Variants in TENM4 observed in about 807,000 individuals in gnomAD.
TENM4 encodes the protein teneurin transmembrane protein 4.
A neutral mutation model predicts 243.3 loss-of-function variants in TENM4; 82 were observed. The observed-to-expected ratio is 0.34, with a 90% CI of 0.28 to 0.40. The LOEUF is 0.40. Ranked by LOEUF, TENM4 falls within the 10% of genes least tolerant of loss-of-function variation. TENM4 has a pLI of 1.00. For synonymous variants in TENM4, 1,412 were observed against 1,456.3 expected (o/e 0.97, Z 0.69); for missense variants, 3,138 against 3,673.3 (o/e 0.85, Z 3.77).
At chr11:78,677,615 T>C (rs1858512891) in intron 29 of TENM4, among the ~76,000 whole-genome samples, 1 of 150,818 alleles carries the variant, frequency 6.6e-6, no homozygotes, top group Non-Finnish European at 1.5e-5. Flanking sequence ...TATAACAAGG[T>C]GAAAAATAAC....
At chr11:79,141,021 G>A (rs1862276058) in intron 4 of TENM4, among the ~76,000 whole-genome samples, 1 of 152,146 alleles carries the variant, frequency 6.6e-6, no homozygotes. Context: ...AGATTAAGGT[G>A]CTAGACGGAG....
intron 3 of TENM4, among the ~76,000 whole-genome samples, chr11:79,173,108 C>G (rs1863083480): frequency 6.6e-6 from 1 of 152,214 alleles, no homozygotes; most frequent in African/African-American, 2.4e-5. Context: ...TTGGCCCTAA[C>G]TTTGTTCAAT....
chr11:79,411,063 G>C (rs1858690401), intron 1 of TENM4, among the ~76,000 whole-genome samples: 1 of 152,144 alleles, frequency 6.6e-6, no homozygotes, highest in Non-Finnish European at 1.5e-5. Context: ...CCATGTGGTA[G>C]ATCCTGGCCC....
At chr11:79,071,183 G>A (rs1039606181) in intron 4 of TENM4, among the ~76,000 whole-genome samples, 1 of 152,204 alleles carries the variant, frequency 6.6e-6, no homozygotes, top group Non-Finnish European at 1.5e-5. Flanking sequence ...AGGGCCAGGA[G>A]CTCAATACAG....
At chr11:79,203,098 A>T (rs1353385972) in intron 3 of TENM4, among the ~76,000 whole-genome samples, 1 of 152,206 alleles carries the variant, frequency 6.6e-6, no homozygotes, top group Non-Finnish European at 1.5e-5. Context: ...CCCATGATTG[A>T]GCTATAATAC....
chr11:79,263,178 G>A (rs1230029068), intron 2 of TENM4, among the ~76,000 whole-genome samples: 1 of 152,188 alleles, frequency 6.6e-6, no homozygotes, highest in African/African-American at 2.4e-5. Flanking sequence ...TTGTCTCTGG[G>A]CCAGTGCATG....
intron 1 of TENM4, among the ~76,000 whole-genome samples, chr11:79,363,222 G>A (rs492504): frequency 0.72 from 109,398 of 152,254 alleles, 39,429 homozygotes; most frequent in African/African-American, 0.76. Context: ...TCTGACCACA[G>A]GGTGCTGCAG....
intron 1 of TENM4, among the ~76,000 whole-genome samples, chr11:79,401,352 G>A (rs1206189915): frequency 6.6e-6 from 1 of 152,172 alleles, no homozygotes; most frequent in Non-Finnish European, 1.5e-5. Flanking sequence ...AGTGCAACAA[G>A]TTCCCCAACA....
chr11:78,953,065 A>G (rs1857136767), intron 6 of TENM4, among the ~76,000 whole-genome samples: 1 of 152,156 alleles, frequency 6.6e-6, no homozygotes, highest in Non-Finnish European at 1.5e-5. Context: ...ATTACCAGTC[A>G]TTTTCCTTTC....
intron 2 of TENM4, among the ~76,000 whole-genome samples, chr11:79,288,901 A>T (rs1856306604): frequency 6.6e-6 from 1 of 152,288 alleles, no homozygotes; most frequent in South Asian, 2.1e-4. Context: ...GAGAAAAAAA[A>T]AATGAACCAT....
chr11:78,968,017 G>T (rs1342160527), intron 6 of TENM4, among the ~76,000 whole-genome samples: 1 of 152,196 alleles, frequency 6.6e-6, no homozygotes, highest in African/African-American at 2.4e-5. Flanking sequence ...TGGATCACAT[G>T]GGTGGATCTT....
At chr11:79,356,037 A>G (rs1377994740) in intron 1 of TENM4, among the ~76,000 whole-genome samples, 1 of 152,216 alleles carries the variant, frequency 6.6e-6, no homozygotes, top group African/African-American at 2.4e-5. Flanking sequence ...GACTCACCCC[A>G]GGCAGTAGCA....
chr11:78,784,420 G>GT (rs1856894856), intron 16 of TENM4, among the ~76,000 whole-genome samples: 1 of 152,036 alleles, frequency 6.6e-6, no homozygotes, highest in South Asian at 2.1e-4. Flanking sequence ...CACGAGGGTG[G>GT]TGAGTTTCTC....
chr11:79,422,477 G>A (rs1858955408), intron 1 of TENM4, among the ~76,000 whole-genome samples: 1 of 151,936 alleles, frequency 6.6e-6, no homozygotes, highest in Admixed American at 6.6e-5. Context: ...TGTTTAATAT[G>A]GGGCCCCTAA....
At chr11:79,381,632 G>A (rs1858006126) in intron 1 of TENM4, among the ~76,000 whole-genome samples, 1 of 150,580 alleles carries the variant, frequency 6.6e-6, no homozygotes, top group Non-Finnish European at 1.5e-5. Flanking sequence ...GTAAGCATTG[G>A]GATATTTGAA....
intron 1 of TENM4, among the ~76,000 whole-genome samples, chr11:79,423,955 C>T (rs1858994828): frequency 6.6e-6 from 1 of 152,140 alleles, no homozygotes; most frequent in Non-Finnish European, 1.5e-5. Context: ...AAGGTTCTTT[C>T]TCAGATGTGT....
chr11:79,433,263 C>A lies in TENM4; in HGVS notation c.-321+7246G>T, dbSNP rs908645779. ...AGCACCTGGGAGCTGGCGAAAAATG[C>A]AGATTCTTGGGCCCCTCCCCAGACC... On this transcript the variant is annotated intron_variant, in intron 1 of 33. Coordinates refer to ENST00000278550, the MANE Select transcript of TENM4 (RefSeq NM_001098816.3). Among the ~76,000 whole-genome samples the A allele has an allele frequency of 8.5e-5, 13 of 152,298 alleles. 1 individual carries two copies. Among genetic ancestry groups the A allele is most frequent in the Admixed American group, 3.9e-4 (6 of 15,304 alleles).
intron 3 of TENM4, among the ~76,000 whole-genome samples, chr11:79,204,147 G>A (rs1863801409): frequency 6.6e-6 from 1 of 152,154 alleles, no homozygotes. Flanking sequence ...GACTGTTAAT[G>A]GGTATGGGTT....
intron 6 of TENM4, among the ~76,000 whole-genome samples, chr11:79,064,257 C>A (rs928179628): frequency 1.3e-5 from 2 of 152,210 alleles, no homozygotes; most frequent in Non-Finnish European, 2.9e-5. Flanking sequence ...CTCAAGTTAT[C>A]CCCAAATGAC....
Sources: gnomAD v4.1 joint callset for allele counts (sites outside exome capture counted in the v4.1 genomes callset) on GRCh38, gnomAD v4.1.1 for gene constraint, MANE v1.5 for transcripts, NCBI Gene and HGNC (gene_info 2026-07-23, HGNC 2026-07-21) for gene names.